Variants in GAN observed in about 807,000 individuals in gnomAD.
GAN encodes the protein epididymis secretory sperm binding protein.
In GAN, 48 loss-of-function variants were observed where a neutral mutation model predicts 71.3. The observed-to-expected ratio is 0.67, with a 90% CI of 0.53 to 0.86. The LOEUF (loss-of-function observed/expected upper bound fraction) is 0.86, where lower values mean the gene tolerates loss of function less well. GAN is among the 40% of genes least tolerant of loss of function. The pLI is 0.00. For missense variants in GAN, 928 were observed against 770.1 expected (o/e 1.21, Z -2.43); for synonymous variants, 386 against 276.8 (o/e 1.39, Z -3.92).
At chr16:81,327,093 C>T (rs1185454957) in intron 1 of GAN, among the ~76,000 whole-genome samples, 1 of 152,204 alleles carries the variant, frequency 6.6e-6, no homozygotes, top group East Asian at 1.9e-4. Flanking sequence ...ATGGCATGGT[C>T]AGCTCCCACG....
At chr16:81,331,015 G>A (rs1361326585) in intron 1 of GAN, among the ~76,000 whole-genome samples, 1 of 152,080 alleles carries the variant, frequency 6.6e-6, no homozygotes, top group African/African-American at 2.4e-5. Flanking sequence ...GACCAACCTG[G>A]GTACCATAGC....
intron 1 of GAN, among the ~76,000 whole-genome samples, chr16:81,320,273 AC>A (rs553840438): frequency 8.9e-4 from 135 of 152,358 alleles, no homozygotes; most frequent in African/African-American, 3.2e-3. Context: ...TGAAACATAC[AC>A]TGTAGTTTAA....
intron 9 of GAN, among the ~76,000 whole-genome samples, chr16:81,365,863 A>T (rs531129545): frequency 1.2e-3 from 189 of 152,162 alleles, no homozygotes; most frequent in South Asian, 2.5e-3. Flanking sequence ...TGCCTGGGCC[A>T]CATAACAAGA....
At chr16:81,326,841 C>T (rs986229396) in intron 1 of GAN, among the ~76,000 whole-genome samples, 4 of 152,160 alleles carry the variant, frequency 2.6e-5, no homozygotes, top group African/African-American at 4.8e-5. Context: ...GATAATCTTA[C>T]GGGACCACTG....
intron 1 of GAN, among the ~76,000 whole-genome samples, chr16:81,340,181 C>T (rs937253782): frequency 1.3e-5 from 2 of 152,128 alleles, no homozygotes; most frequent in African/African-American, 4.8e-5. Context: ...TCAAGCAGTC[C>T]TCTCACCTCA....
chr16:81,326,911 G>A (rs1275030666), intron 1 of GAN, among the ~76,000 whole-genome samples: 1 of 152,182 alleles, frequency 6.6e-6, no homozygotes, highest in East Asian at 1.9e-4. Flanking sequence ...CTGTCCTGCC[G>A]AAAAAGTAAA....
intron 2 of GAN, among the ~76,000 whole-genome samples, chr16:81,351,948 C>T (rs1249193205): frequency 6.6e-6 from 1 of 152,186 alleles, no homozygotes; most frequent in East Asian, 1.9e-4. Context: ...CTGAGCTCCA[C>T]CTTCTCATAT....
chr16:81,368,618 G>GA (rs1910937850), intron 9 of GAN, among the ~76,000 whole-genome samples: 1 of 152,120 alleles, frequency 6.6e-6, no homozygotes, highest in South Asian at 2.1e-4. Flanking sequence ...TCAGAAAAGG[G>GA]AATCATCTTG....
chr16:81,376,579 A>G (rs1173552082), intron 9 of GAN, among the ~76,000 whole-genome samples: 9 of 146,520 alleles, frequency 6.1e-5, no homozygotes, highest in African/African-American at 1.8e-4. Context: ...GTATATGTGT[A>G]TATATGTATG....
chr16:81,366,819 C>T (rs1350044841), intron 9 of GAN, among the ~76,000 whole-genome samples: 1 of 151,244 alleles, frequency 6.6e-6, no homozygotes, highest in African/African-American at 2.4e-5. Flanking sequence ...GGGATGAAGT[C>T]TTTTTTTTTC....
intron 1 of GAN, among the ~76,000 whole-genome samples, chr16:81,342,234 A>C (rs1476704994): frequency 6.6e-6 from 1 of 152,190 alleles, no homozygotes; most frequent in Non-Finnish European, 1.5e-5. Context: ...TGAGACAGAA[A>C]ATTAATAAGG....
chr16:81,363,967 C>G (rs759145215), intron 7 of GAN, 24 bp downstream of exon 7: 13 of 1,584,160 alleles, frequency 8.2e-6, no homozygotes, highest in Non-Finnish European at 1.1e-5. Context: ...TTTGTGATAA[C>G]TAGTCTGTGT....
At chr16:81,372,072 C>G (rs773429996) in intron 9 of GAN, 11 of 152,396 alleles carry the variant, frequency 7.2e-5, no homozygotes, top group Admixed American at 2.6e-4. Context: ...AGCTCTCTTC[C>G]TCTCTCCTTT....
intron 1 of GAN, among the ~76,000 whole-genome samples, chr16:81,332,142 C>T (rs571630518): frequency 5.0e-5 from 7 of 139,158 alleles, no homozygotes; most frequent in East Asian, 2.1e-4. Context: ...GCCTGGGCAA[C>T]GAGAGGGAAA....
chr16:81,329,772 AT>A (rs1909511712), intron 1 of GAN, among the ~76,000 whole-genome samples: 1 of 152,058 alleles, frequency 6.6e-6, no homozygotes, highest in African/African-American at 2.4e-5. Context: ...CTATACCTTG[AT>A]TAGACATAAG....
intron 1 of GAN, among the ~76,000 whole-genome samples, chr16:81,330,825 T>G (rs1385703631): frequency 1.3e-5 from 2 of 152,236 alleles, no homozygotes; most frequent in African/African-American, 2.4e-5. Context: ...TCAGCATCAT[T>G]AGAACAAGAC....
chr16:81,364,836 A>C lies in GAN; in HGVS notation c.1237-138A>C, dbSNP rs572425081. On this transcript the variant is annotated intron_variant, in intron 7 of 10. Transcript: ENST00000648994. ...TTTAAAGTCCGGTGTTGTAATACTGAAAAGCACCATCGTTTTACGGTTAGA... is the reference window on the plus strand; with the variant it reads ...TTTAAAGTCCGGTGTTGTAATACTGCAAAGCACCATCGTTTTACGGTTAGA... 8.2e-6 allele frequency: 7 copies of C among 849,658 alleles called. No individual in the cohort carries two copies. In the East Asian group the frequency reaches 1.7e-4, roughly 21 times the overall value. 52.6% of individuals were successfully genotyped at this position (849,658 alleles called of 1,614,324 possible).
At chr16:81,348,307 A>G (rs1235100661) in intron 1 of GAN, among the ~76,000 whole-genome samples, 4 of 152,196 alleles carry the variant, frequency 2.6e-5, no homozygotes, top group African/African-American at 9.6e-5. Flanking sequence ...TATGTACACA[A>G]TATCCTGTCT....
chr16:81,346,212 T>C (rs1321605675), intron 1 of GAN, among the ~76,000 whole-genome samples: 2 of 152,072 alleles, frequency 1.3e-5, no homozygotes, highest in Admixed American at 1.3e-4. Context: ...CAGCAGGAGA[T>C]TGGAGTAATG....
Sources: allele counts gnomAD v4.1 joint callset (sites outside exome capture counted in the v4.1 genomes callset), GRCh38; gene constraint gnomAD v4.1.1; transcripts MANE v1.5; gene names NCBI Gene and HGNC (gene_info 2026-07-23, HGNC 2026-07-21).